CACNB2: variants seen among roughly 807,000 people sequenced by gnomAD.
The protein encoded by CACNB2 is voltage-dependent L-type calcium channel subunit beta-2.
A neutral mutation model predicts 73.3 loss-of-function variants in CACNB2; 42 were observed. The observed-to-expected ratio is 0.57, with a 90% confidence interval of 0.45 to 0.74. The LOEUF is 0.74. Ranked by LOEUF, CACNB2 falls within the 30% of genes least tolerant of loss-of-function variation. The probability of loss-of-function intolerance (pLI) is 0.00; values close to 1 mark genes in which losing one functional copy is unlikely to be tolerated. For missense variants in CACNB2, 940 were observed against 853.0 expected (o/e 1.10, Z -1.27); for synonymous variants, 348 against 310.3 (o/e 1.12, Z -1.28).
intron 2 of CACNB2, among the ~76,000 whole-genome samples, chr10:18,226,627 C>T (rs1039156562): frequency 6.6e-6 from 1 of 152,078 alleles, no homozygotes; most frequent in Non-Finnish European, 1.5e-5. Flanking sequence ...AGCGTGTGGC[C>T]GTATGATCAC....
intron 2 of CACNB2, among the ~76,000 whole-genome samples, chr10:18,186,822 A>G (rs1358432051): frequency 6.6e-6 from 1 of 152,204 alleles, no homozygotes; most frequent in African/African-American, 2.4e-5. Flanking sequence ...GCAGGGACAC[A>G]GATCCAAACC....
chr10:18,332,222 T>A (rs1484361054), intron 2 of CACNB2, among the ~76,000 whole-genome samples: 1 of 152,088 alleles, frequency 6.6e-6, no homozygotes, highest in East Asian at 1.9e-4. Flanking sequence ...TCTATGGAGA[T>A]TGGACAGCGT....
chr10:18,310,256 T>C (rs776844844), intron 2 of CACNB2, among the ~76,000 whole-genome samples: 19 of 152,168 alleles, frequency 1.2e-4, no homozygotes, highest in Non-Finnish European at 1.6e-4. Context: ...TCTACTTTGA[T>C]GGTAATAATT....
At chr10:18,341,451 A>G (rs1181728223) in intron 2 of CACNB2, among the ~76,000 whole-genome samples, 1 of 152,220 alleles carries the variant, frequency 6.6e-6, no homozygotes, top group Non-Finnish European at 1.5e-5. Context: ...TACAAACATG[A>G]CAGTCTAAAG....
At chr10:18,186,566 C>G (rs2034163475) in intron 2 of CACNB2, among the ~76,000 whole-genome samples, 1 of 152,128 alleles carries the variant, frequency 6.6e-6, no homozygotes, top group Non-Finnish European at 1.5e-5. Flanking sequence ...AACTTACAGT[C>G]ATGGTGGAAG....
At chr10:18,222,454 A>G (rs2035832936) in intron 2 of CACNB2, among the ~76,000 whole-genome samples, 1 of 145,196 alleles carries the variant, frequency 6.9e-6, no homozygotes, top group African/African-American at 2.5e-5. Context: ...CCTCTGCGAA[A>G]TAAGAACACA....
At chr10:18,472,221 CTTTTTTTTTTTTTTTTTTT>C (rs200348808) in intron 3 of CACNB2, among the ~76,000 whole-genome samples, 73 of 119,418 alleles carry the variant, frequency 6.1e-4, no homozygotes, top group African/African-American at 2.2e-3. Context: ...CACTTTTCTT[CTTTTTTTTTTTTTTTTTTT>C]TTTTTTTTTT....
chr10:18,389,866 A>T (rs952099488), intron 2 of CACNB2, among the ~76,000 whole-genome samples: 4 of 152,248 alleles, frequency 2.6e-5, no homozygotes, highest in Non-Finnish European at 5.9e-5. Context: ...GAGGTTGAAC[A>T]TCTTTTCCAG....
Position 18,542,997 on chromosome 10 carries a change from A to C in CACNB2, c.*3273A>C, listed in dbSNP as rs1333269397. 1.3e-5 allele frequency: 2 copies of C among 150,412 alleles called. No homozygotes were observed. Among genetic ancestry groups the C allele is most frequent in the Non-Finnish European group, 2.9e-5 (2 of 67,890 alleles). The allele number at this position is 150,412 out of a possible 1,614,324, so 9.3% of individuals were successfully genotyped here. A position where few individuals can be genotyped will look rare whatever the true frequency, so the allele number is the denominator to read the frequency against. The stretch of plus-strand genomic sequence containing the variant: ...CTGCTAAATGTAGGATGTCTTAGTC[A>C]TGTTGTACTTTGGGACAATGCCACA... On this transcript the variant is annotated 3_prime_UTR_variant, in exon 14 of 14. Coordinates refer to ENST00000324631, the MANE Select transcript of CACNB2 (RefSeq NM_201596.3).
intron 3 of CACNB2, among the ~76,000 whole-genome samples, chr10:18,469,317 C>T (rs1398749045): frequency 6.6e-6 from 1 of 152,196 alleles, no homozygotes; most frequent in Non-Finnish European, 1.5e-5. Context: ...CCATGGACAT[C>T]GCCATTGGAT....
chr10:18,325,985 C>T (rs1212199948), intron 2 of CACNB2, among the ~76,000 whole-genome samples: 4 of 151,996 alleles, frequency 2.6e-5, no homozygotes, highest in Admixed American at 2.0e-4. Context: ...GCTCAAACTC[C>T]TGGGCTCCCA....
At chr10:18,407,921 C>G (rs1328304135) in intron 3 of CACNB2, among the ~76,000 whole-genome samples, 2 of 151,976 alleles carry the variant, frequency 1.3e-5, no homozygotes, top group Non-Finnish European at 2.9e-5. Context: ...TATTAAGCTT[C>G]TTTAATATTT....
At chr10:18,161,629 CTT>C (rs113773281) in intron 2 of CACNB2, among the ~76,000 whole-genome samples, 188 of 145,836 alleles carry the variant, frequency 1.3e-3, no homozygotes, top group African/African-American at 3.7e-3. Flanking sequence ...TGGCAAATCT[CTT>C]TTTTTTTTTT....
intron 2 of CACNB2, among the ~76,000 whole-genome samples, chr10:18,176,679 G>T (rs2033609265): frequency 6.6e-6 from 1 of 150,400 alleles, no homozygotes; most frequent in South Asian, 2.1e-4. Context: ...AATGCCAAAT[G>T]GAGGTTAGCA....
At chr10:18,164,816 G>A (rs1449208948) in intron 2 of CACNB2, among the ~76,000 whole-genome samples, 1 of 152,098 alleles carries the variant, frequency 6.6e-6, no homozygotes. Flanking sequence ...ACCGTTTTGT[G>A]TGCGTGTGTA....
intron 2 of CACNB2, among the ~76,000 whole-genome samples, chr10:18,275,686 C>T (rs781495031): frequency 1.3e-5 from 2 of 152,038 alleles, no homozygotes; most frequent in Non-Finnish European, 2.9e-5. Flanking sequence ...AAATGAGTGG[C>T]TCATGAAGAA....
intron 2 of CACNB2, among the ~76,000 whole-genome samples, chr10:18,289,284 G>GTTTTTTTTTTTTTTTTTTTTTTTTTTTT (rs1489491866): frequency 2.3e-5 from 2 of 85,568 alleles, no homozygotes; most frequent in Admixed American, 1.4e-4. Context: ...TTTTTTTCTT[G>GTTTTTTTTTTTTTTTTTTTTTTTTTTTT]TTTTTTTGTT....
intron 3 of CACNB2, among the ~76,000 whole-genome samples, chr10:18,420,046 G>A (rs985163669): frequency 6.6e-6 from 1 of 152,084 alleles, no homozygotes; most frequent in South Asian, 2.1e-4. Flanking sequence ...AGTATCTTAT[G>A]ACCAGGCGTG....
chr10:18,371,990 A>G (rs950171460), intron 2 of CACNB2, among the ~76,000 whole-genome samples: 1 of 152,206 alleles, frequency 6.6e-6, no homozygotes, highest in East Asian at 1.9e-4. Flanking sequence ...TTTTGCCTGC[A>G]TAAATGTCTT....
Sources: gnomAD v4.1 joint callset for allele counts (sites outside exome capture counted in the v4.1 genomes callset) on GRCh38, gnomAD v4.1.1 for gene constraint, MANE v1.5 for transcripts, NCBI Gene and HGNC (gene_info 2026-07-23, HGNC 2026-07-21) for gene names.